GRIP1: variants seen among roughly 807,000 people sequenced by gnomAD.
GRIP1 encodes the protein glutamate receptor interacting protein 1.
A neutral mutation model predicts 129.9 loss-of-function variants in GRIP1; 45 were observed. That is an observed-to-expected ratio of 0.35 (90% CI 0.27 to 0.44). The LOEUF (loss-of-function observed/expected upper bound fraction) is 0.44, where lower values mean the gene tolerates loss of function less well. Among genes scored for constraint, GRIP1 ranks in the 20% least tolerant of loss-of-function variants. The probability of loss-of-function intolerance (pLI) is 1.00; values close to 1 mark genes in which losing one functional copy is unlikely to be tolerated. For missense variants in GRIP1, 1,196 were observed against 1,396.8 expected, an observed-to-expected ratio of 0.86 and a Z score of 2.29; for synonymous variants, 530 against 520.8, an observed-to-expected ratio of 1.02 and a Z score of -0.24.
At chr12:66,799,382 G>A (rs1196705296) in intron 1 of GRIP1, among the ~76,000 whole-genome samples, 3 of 152,178 alleles carry the variant, frequency 2.0e-5, no homozygotes, top group South Asian at 2.1e-4. Context: ...TAATTCATTC[G>A]GGATTTTTTG....
chr12:66,568,105 A>C (rs529411455), intron 2 of GRIP1: 1 of 285,394 alleles, frequency 3.5e-6, no homozygotes, highest in Non-Finnish European at 6.9e-6. Context: ...AAATCTGTTC[A>C]GCTACAAATT....
intron 1 of GRIP1, among the ~76,000 whole-genome samples, chr12:66,735,386 T>A (rs2036562174): frequency 6.6e-6 from 1 of 152,234 alleles, no homozygotes; most frequent in South Asian, 2.1e-4. Context: ...TAAAGAAAAG[T>A]TATAGGAACA....
chr12:67,068,865 C>G (rs1329533725), intron 1 of GRIP1, among the ~76,000 whole-genome samples: 1 of 94,908 alleles, frequency 1.1e-5, no homozygotes, highest in African/African-American at 3.9e-5. Flanking sequence ...CCCCCCCCCC[C>G]CCCGCAAAAA....
At chr12:66,508,583 T>C (rs2060608708) in intron 7 of GRIP1, among the ~76,000 whole-genome samples, 1 of 152,102 alleles carries the variant, frequency 6.6e-6, no homozygotes, top group African/African-American at 2.4e-5. Context: ...GCCGGTACTA[T>C]AGTTTTGCAA....
At chr12:66,437,931 C>T (rs578149432) in intron 13 of GRIP1, among the ~76,000 whole-genome samples, 24 of 152,242 alleles carry the variant, frequency 1.6e-4, no homozygotes, top group Admixed American at 5.2e-4. Context: ...CCTAGGTCTA[C>T]GATTCACCCT....
At chr12:66,944,772 T>C (rs1238355313) in intron 1 of GRIP1, among the ~76,000 whole-genome samples, 1 of 151,690 alleles carries the variant, frequency 6.6e-6, no homozygotes, top group Non-Finnish European at 1.5e-5. Context: ...AAAAGGCAAA[T>C]TACGCAGGTG....
At chr12:66,916,576 T>A (rs1228583047) in intron 1 of GRIP1, among the ~76,000 whole-genome samples, 1 of 152,122 alleles carries the variant, frequency 6.6e-6, no homozygotes, top group South Asian at 2.1e-4. Flanking sequence ...ATAAAAAATA[T>A]TAGAAGTATT....
At chr12:66,484,516 T>C (rs1372223128) in intron 7 of GRIP1, among the ~76,000 whole-genome samples, 25 of 152,358 alleles carry the variant, frequency 1.6e-4, no homozygotes, top group Admixed American at 1.4e-3. Context: ...TGAAATCCTG[T>C]CATTTGTAGC....
chr12:67,064,952 T>C (rs889662308), intron 1 of GRIP1: 5 of 133,978 alleles, frequency 3.7e-5, no homozygotes, highest in African/African-American at 1.1e-4. Flanking sequence ...CCTTCCTGTG[T>C]CCATGTGTTC....
chr12:66,485,403 AATAT>A (rs536988532), intron 7 of GRIP1, among the ~76,000 whole-genome samples: 1 of 150,886 alleles, frequency 6.6e-6, no homozygotes, highest in African/African-American at 2.4e-5. Context: ...GTGAAAATTA[AATAT>A]ATATATATAA....
At chr12:67,033,413 A>G (rs994981893) in intron 1 of GRIP1, among the ~76,000 whole-genome samples, 9 of 152,056 alleles carry the variant, frequency 5.9e-5, no homozygotes, top group African/African-American at 2.2e-4. Context: ...TTCTCATCCC[A>G]GTAATAATAT....
At chr12:66,468,146 C>T (rs1232278471) in intron 7 of GRIP1, among the ~76,000 whole-genome samples, 7 of 152,124 alleles carry the variant, frequency 4.6e-5, no homozygotes, top group Admixed American at 4.6e-4. Flanking sequence ...AGCCATAGGA[C>T]CAGGTTCCAG....
At chr12:66,676,774 C>T (rs182402382) in intron 1 of GRIP1, among the ~76,000 whole-genome samples, 128 of 152,232 alleles carry the variant, frequency 8.4e-4, no homozygotes, top group African/African-American at 2.6e-3. Flanking sequence ...ACTCCTGACC[C>T]TAAAAGAAAG....
chr12:66,495,028 C>T (rs1908123), intron 7 of GRIP1, among the ~76,000 whole-genome samples: 105,861 of 152,086 alleles, frequency 0.7, 37,234 homozygotes, highest in Middle Eastern at 0.9. Flanking sequence ...GTACCTTGTA[C>T]GATGCTTGTC....
chr12:66,693,426 T>G (rs1290370222), intron 1 of GRIP1, among the ~76,000 whole-genome samples: 1 of 152,140 alleles, frequency 6.6e-6, no homozygotes, highest in Non-Finnish European at 1.5e-5. Flanking sequence ...CTTTGGATAT[T>G]TGGGGCATAC....
chr12:66,359,329 G>A (rs907786384), intron 23 of GRIP1, among the ~76,000 whole-genome samples: 1 of 152,192 alleles, frequency 6.6e-6, no homozygotes. Flanking sequence ...GAAACATTTG[G>A]TGTGGGCCTG....
chr12:66,905,940 A>G (rs1274529705), intron 1 of GRIP1, among the ~76,000 whole-genome samples: 2 of 152,196 alleles, frequency 1.3e-5, no homozygotes, highest in Non-Finnish European at 2.9e-5. Context: ...TTTCTGCACA[A>G]AATTTGAGAA....
chr12:66,805,848 T>A (rs1248445410), upstream of GRIP1, among the ~76,000 whole-genome samples: 6 of 152,176 alleles, frequency 3.9e-5, no homozygotes, highest in Non-Finnish European at 8.8e-5. Flanking sequence ...TTTCCCATTT[T>A]GTATGCCTTA....
intron 1 of GRIP1, among the ~76,000 whole-genome samples, chr12:66,598,374 AT>A (rs1382723955): frequency 6.6e-6 from 1 of 152,204 alleles, no homozygotes; most frequent in Non-Finnish European, 1.5e-5. Context: ...TTGTCACACA[AT>A]TTTTTATATT....
Sources: gnomAD v4.1 joint callset for allele counts (sites outside exome capture counted in the v4.1 genomes callset) on GRCh38, gnomAD v4.1.1 for gene constraint, MANE v1.5 for transcripts, NCBI Gene and HGNC (gene_info 2026-07-23, HGNC 2026-07-21) for gene names.